Variants in NRXN1 observed in about 807,000 individuals in gnomAD.
NRXN1 encodes neurexin-1.
A neutral mutation model predicts 150.9 loss-of-function variants in NRXN1; 39 were observed. That is an observed-to-expected ratio of 0.26 (90% CI 0.20 to 0.34). The LOEUF (loss-of-function observed/expected upper bound fraction) is 0.34. Among genes scored for constraint, NRXN1 ranks in the 10% least tolerant of loss-of-function variants. The pLI is 1.00. For synonymous variants in NRXN1, 924 were observed against 757.0 expected, an observed-to-expected ratio of 1.22 and a Z score of -3.62; for missense variants, 1,815 against 1,949.9, an observed-to-expected ratio of 0.93 and a Z score of 1.30.
intron 5 of NRXN1, among the ~76,000 whole-genome samples, chr2:50,743,579 A>C (rs1198674986): frequency 3.3e-5 from 5 of 152,162 alleles, no homozygotes; most frequent in Non-Finnish European, 7.4e-5. Flanking sequence ...TCCAATGAGA[A>C]AGGTAATTTG....
intron 17 of NRXN1, among the ~76,000 whole-genome samples, chr2:50,415,955 C>CA (rs10585013): frequency 0.13 from 11,271 of 88,664 alleles, 1,427 homozygotes; most frequent in African/African-American, 0.29. Context: ...CAACAACATA[C>CA]AAAAAAAAAA....
intron 11 of NRXN1, among the ~76,000 whole-genome samples, chr2:50,529,198 G>C (rs1170066761): frequency 6.6e-6 from 1 of 152,158 alleles, no homozygotes; most frequent in African/African-American, 2.4e-5. Flanking sequence ...GGCATAAAAA[G>C]GTAACTGCCA....
chr2:50,298,569 C>T (rs1207723540), intron 17 of NRXN1, among the ~76,000 whole-genome samples: 1 of 151,748 alleles, frequency 6.6e-6, no homozygotes, highest in African/African-American at 2.4e-5. Flanking sequence ...CAACTTAAAA[C>T]ATCCATGAAC....
At chr2:50,235,836 T>G (rs1163598950) in intron 18 of NRXN1, among the ~76,000 whole-genome samples, 1 of 152,064 alleles carries the variant, frequency 6.6e-6, no homozygotes, top group African/African-American at 2.4e-5. Flanking sequence ...TACCTGTTTC[T>G]TCTGAAATCT....
chr2:50,296,207 C>A (rs988088044), intron 17 of NRXN1, among the ~76,000 whole-genome samples: 2 of 152,160 alleles, frequency 1.3e-5, no homozygotes. Flanking sequence ...TACAGAACTA[C>A]AATGCTCATA....
intron 2 of NRXN1, among the ~76,000 whole-genome samples, chr2:50,970,764 A>G (rs1229818644): frequency 6.6e-6 from 1 of 151,974 alleles, no homozygotes; most frequent in African/African-American, 2.4e-5. Flanking sequence ...CTATTATTGA[A>G]TAACAGCCTT....
At chr2:50,069,976 G>A (rs570776677) in intron 19 of NRXN1, among the ~76,000 whole-genome samples, 6 of 149,776 alleles carry the variant, frequency 4.0e-5, no homozygotes, top group East Asian at 2.0e-4. Context: ...TCAGCCTCCC[G>A]AGTAGCTGGA....
chr2:50,069,853 T>TTG (rs1285946491), intron 19 of NRXN1, among the ~76,000 whole-genome samples: 7,143 of 73,328 alleles, frequency 0.097, 686 homozygotes, highest in African/African-American at 0.34. Context: ...GGGGGTTTTT[T>TTG]TTTTTTTTTT....
chr2:50,286,699 ATG>A (rs1269363861), intron 17 of NRXN1, among the ~76,000 whole-genome samples: 1 of 152,128 alleles, frequency 6.6e-6, no homozygotes, highest in Non-Finnish European at 1.5e-5. Context: ...CCTATTATTG[ATG>A]TGAGTACATT....
chr2:50,138,837 G>T (rs986751941), intron 18 of NRXN1, among the ~76,000 whole-genome samples: 11 of 152,182 alleles, frequency 7.2e-5, no homozygotes, highest in Admixed American at 2.6e-4. Flanking sequence ...GGTCCCTTTA[G>T]TTTGTCATAA....
At chr2:51,021,263 A>T (rs1669565567) in intron 2 of NRXN1, among the ~76,000 whole-genome samples, 1 of 152,034 alleles carries the variant, frequency 6.6e-6, no homozygotes, top group Non-Finnish European at 1.5e-5. Context: ...TAACCCTGTA[A>T]TAAAATGAAA....
At chr2:50,252,092 T>C (rs572521154) in intron 17 of NRXN1, among the ~76,000 whole-genome samples, 23 of 151,908 alleles carry the variant, frequency 1.5e-4, no homozygotes, top group Non-Finnish European at 2.9e-4. Flanking sequence ...TATGTTTTTG[T>C]CATGAAATCT....
At chr2:50,972,588 TC>T (rs1695183365) in intron 2 of NRXN1, among the ~76,000 whole-genome samples, 1 of 152,098 alleles carries the variant, frequency 6.6e-6, no homozygotes, top group Non-Finnish European at 1.5e-5. Flanking sequence ...ACTATACAAC[TC>T]ACCATAATAT....
intron 17 of NRXN1, among the ~76,000 whole-genome samples, chr2:50,415,105 G>T (rs2083445241): frequency 6.6e-6 from 1 of 152,058 alleles, no homozygotes; most frequent in Non-Finnish European, 1.5e-5. Flanking sequence ...ATGGTACATA[G>T]GAAGGACTTC....
intron 5 of NRXN1, among the ~76,000 whole-genome samples, chr2:50,750,079 A>G (rs1270511917): frequency 6.6e-6 from 1 of 151,968 alleles, no homozygotes; most frequent in East Asian, 1.9e-4. Context: ...AGACATTGGG[A>G]TGGGAGATCT....
chr2:50,167,553 TAA>T (rs1337139117), intron 18 of NRXN1, among the ~76,000 whole-genome samples: 1 of 139,834 alleles, frequency 7.2e-6, no homozygotes, highest in Admixed American at 7.2e-5. Flanking sequence ...GAGAAACTGT[TAA>T]AAAAAAAAAA....
intron 18 of NRXN1, among the ~76,000 whole-genome samples, chr2:50,110,223 G>T (rs952294570): frequency 1.3e-5 from 2 of 152,080 alleles, no homozygotes; most frequent in African/African-American, 2.4e-5. Context: ...GGGCGCGGTG[G>T]CTCAGGCCTG....
intron 2 of NRXN1, among the ~76,000 whole-genome samples, chr2:50,977,960 C>G (rs997748784): frequency 1.2e-4 from 18 of 151,492 alleles, no homozygotes; most frequent in Middle Eastern, 6.8e-3. Context: ...AGCTATACAC[C>G]TTTTCTTCTT....
intron 17 of NRXN1, among the ~76,000 whole-genome samples, chr2:50,434,221 G>C (rs947724311): frequency 7.0e-6 from 1 of 142,006 alleles, no homozygotes; most frequent in Admixed American, 7.2e-5. Flanking sequence ...CACCATGCCC[G>C]GCTAATTTTT....
Sources: gnomAD v4.1 joint callset for allele counts (sites outside exome capture counted in the v4.1 genomes callset) on GRCh38, gnomAD v4.1.1 for gene constraint, MANE v1.5 for transcripts, NCBI Gene and HGNC (gene_info 2026-07-23, HGNC 2026-07-21) for gene names.